PXDNL: variants seen among roughly 807,000 people sequenced by gnomAD.
PXDNL encodes probable oxidoreductase PXDNL.
In PXDNL, 145 loss-of-function variants were observed where a neutral mutation model predicts 150.8. The ratio of observed to expected loss-of-function variants is 0.96; its 90% CI spans 0.84 to 1.10. The LOEUF is 1.10. Ranked by LOEUF, PXDNL falls within the 50% of genes least tolerant of loss-of-function variation. The pLI, the probability that PXDNL is intolerant of heterozygous loss-of-function variation, is 0.00. For missense variants in PXDNL, 2,087 were observed against 1,873.9 expected (o/e 1.11, Z -2.10); for synonymous variants, 757 against 725.7 (o/e 1.04, Z -0.69).
chr8:51,758,954 C>T (rs6473654), intron 1 of PXDNL, among the ~76,000 whole-genome samples: 1 of 152,018 alleles, frequency 6.6e-6, no homozygotes, highest in Non-Finnish European at 1.5e-5. Flanking sequence ...ACCTATGAAT[C>T]TTGGCAGATT....
intron 2 of PXDNL, among the ~76,000 whole-genome samples, chr8:51,643,731 G>A (rs1814832141): frequency 6.6e-6 from 1 of 152,118 alleles, no homozygotes; most frequent in Non-Finnish European, 1.5e-5. Context: ...CACAGCAAAA[G>A]AAACTACCGT....
chr8:51,527,584 G>A (rs1171291167), intron 4 of PXDNL, among the ~76,000 whole-genome samples: 1 of 152,200 alleles, frequency 6.6e-6, no homozygotes, highest in Non-Finnish European at 1.5e-5. Context: ...ATGGCCCAGG[G>A]CTCAGAACAG....
At chr8:51,343,193 A>G (rs1806041707) in intron 20 of PXDNL, among the ~76,000 whole-genome samples, 1 of 152,132 alleles carries the variant, frequency 6.6e-6, no homozygotes, top group Non-Finnish European at 1.5e-5. Flanking sequence ...CAGAAGAAAG[A>G]AAAGATAGAG....
In PXDNL at chr8:51,457,596, G is replaced by A. The variant is rs1809964746; in HGVS notation, c.884C>T (p.Thr295Ile). ...ATAGACACCTTGGTCTGACTCTCTG[G>A]TGTTTCGGATCATGAGTGTGCCATC... ...FDDGTLMIRN[T>I]RESDQGVYQC... The change falls in exon 9 of 23, where the codon ACC (threonine) becomes ATC (isoleucine). Residue 295 changes from threonine to isoleucine, a missense_variant. Physicochemically the swap from Thr to Ile is moderately conservative, Grantham distance 89 (BLOSUM62 -1). Coordinates refer to ENST00000356297, the MANE Select transcript of PXDNL (RefSeq NM_144651.5). 2 of 1,613,672 alleles carry A rather than the reference G, an allele frequency of 1.2e-6. No individual in the cohort carries two copies. The highest frequency in any genetic ancestry group is 2.7e-5 in the African/African-American group (2 of 74,884).
chr8:51,641,759 G>T (rs1302407056), intron 2 of PXDNL, among the ~76,000 whole-genome samples: 2 of 152,042 alleles, frequency 1.3e-5, no homozygotes, highest in East Asian at 1.9e-4. Context: ...CTCTTGGTGG[G>T]ACTGTAAACT....
intron 5 of PXDNL, 61 bp from the exon 6 acceptor site, chr8:51,483,775 C>A: frequency 3.0e-6 from 3 of 1,002,080 alleles, no homozygotes; most frequent in East Asian, 2.6e-5. Flanking sequence ...ACAAACAAAA[C>A]CTTTCTTTCA....
intron 1 of PXDNL, among the ~76,000 whole-genome samples, chr8:51,711,580 A>C (rs771838546): frequency 6.6e-6 from 1 of 152,226 alleles, no homozygotes; most frequent in African/African-American, 2.4e-5. Context: ...AAAAGAAATA[A>C]TACATGGTTG....
chr8:51,614,832 G>T (rs1206455072), intron 2 of PXDNL, among the ~76,000 whole-genome samples: 1 of 152,052 alleles, frequency 6.6e-6, no homozygotes. Flanking sequence ...ACACGATCTG[G>T]AAATACTTCA....
intron 1 of PXDNL, among the ~76,000 whole-genome samples, chr8:51,744,675 C>CAAAAAA: frequency 2.6e-5 from 1 of 38,840 alleles, no homozygotes; most frequent in African/African-American, 1.2e-4. Flanking sequence ...GACTCCATCT[C>CAAAAAA]AAAAAAAAAA....
At chr8:51,685,729 G>T (rs1165951410) in intron 1 of PXDNL, among the ~76,000 whole-genome samples, 1 of 152,162 alleles carries the variant, frequency 6.6e-6, no homozygotes, top group Non-Finnish European at 1.5e-5. Context: ...TGAAGTCTCA[G>T]AACCTCATCT....
intron 19 of PXDNL, among the ~76,000 whole-genome samples, chr8:51,365,093 A>G (rs907545859): frequency 6.6e-6 from 1 of 152,074 alleles, no homozygotes; most frequent in Non-Finnish European, 1.5e-5. Context: ...GGCACCCACC[A>G]CACCCAGCTA....
At chr8:51,582,266 C>A (rs1039765789) in intron 3 of PXDNL, among the ~76,000 whole-genome samples, 1 of 152,096 alleles carries the variant, frequency 6.6e-6, no homozygotes, top group Admixed American at 6.6e-5. Context: ...AGAAAGCACT[C>A]ACTAGAACTT....
intron 1 of PXDNL, among the ~76,000 whole-genome samples, chr8:51,662,114 C>T (rs892935632): frequency 2.0e-5 from 3 of 152,208 alleles, no homozygotes. Context: ...TGCTAAAGTG[C>T]TTGTTCACAA....
At chr8:51,698,891 AC>A (rs1204845986) in intron 1 of PXDNL, among the ~76,000 whole-genome samples, 1 of 152,318 alleles carries the variant, frequency 6.6e-6, no homozygotes, top group Middle Eastern at 3.4e-3. Context: ...CTCTTGGGTG[AC>A]CAGGTGCTTA....
chr8:51,755,440 G>A (rs1447494501), intron 1 of PXDNL, among the ~76,000 whole-genome samples: 9 of 151,816 alleles, frequency 5.9e-5, no homozygotes, highest in African/African-American at 1.2e-4. Flanking sequence ...GATTACAGGC[G>A]CCCACCACCA....
intron 5 of PXDNL, among the ~76,000 whole-genome samples, chr8:51,490,980 G>T (rs973656325): frequency 6.6e-6 from 1 of 152,084 alleles, no homozygotes; most frequent in African/African-American, 2.4e-5. Context: ...TCAGTGAACT[G>T]GGAAAGGCAG....
chr8:51,591,227 A>T (rs60647992), intron 3 of PXDNL, among the ~76,000 whole-genome samples: 7,520 of 152,260 alleles, frequency 0.049, 423 homozygotes, highest in African/African-American at 0.14. Flanking sequence ...AACTTTTTTT[A>T]AAAAAATTAA....
intron 19 of PXDNL, among the ~76,000 whole-genome samples, chr8:51,352,552 G>A (rs576417726): frequency 6.6e-6 from 1 of 152,220 alleles, no homozygotes; most frequent in African/African-American, 2.4e-5. Flanking sequence ...TGGTTTAAAA[G>A]TATGACACTT....
chr8:51,335,053 C>T (rs1473436503), intron 21 of PXDNL, among the ~76,000 whole-genome samples: 1 of 152,112 alleles, frequency 6.6e-6, no homozygotes, highest in African/African-American at 2.4e-5. Context: ...TCCTTTCAAC[C>T]ATCTACATTT....
Sources: gnomAD v4.1 joint callset for allele counts (sites outside exome capture counted in the v4.1 genomes callset) on GRCh38, gnomAD v4.1.1 for gene constraint, MANE v1.5 for transcripts, NCBI Gene and HGNC (gene_info 2026-07-23, HGNC 2026-07-21) for gene names.